WDR41: variants seen among roughly 807,000 people sequenced by gnomAD.
WDR41 encodes the protein WD repeat-containing protein 41.
A neutral mutation model predicts 69.3 loss-of-function variants in WDR41; 63 were observed. The ratio of observed to expected loss-of-function variants is 0.91; its 90% CI spans 0.74 to 1.12. The LOEUF (loss-of-function observed/expected upper bound fraction) is 1.12. WDR41 is among the 50% of genes most tolerant of loss of function. The probability of loss-of-function intolerance (pLI) is 0.00; values close to 1 mark genes in which losing one functional copy is unlikely to be tolerated. For missense variants in WDR41, 543 were observed against 534.5 expected, an observed-to-expected ratio of 1.02 and a Z score of -0.16; for synonymous variants, 185 against 192.1, an observed-to-expected ratio of 0.96 and a Z score of 0.31.
chr5:77,540,117 G>A (rs975597120), intron 1 of WDR41, among the ~76,000 whole-genome samples: 6 of 152,132 alleles, frequency 3.9e-5, no homozygotes, highest in Non-Finnish European at 8.8e-5. Flanking sequence ...GAAATGAAGG[G>A]TTATGGCATC....
intron 1 of WDR41, among the ~76,000 whole-genome samples, chr5:77,614,547 CG>C (rs1383553667): frequency 8.8e-5 from 13 of 147,104 alleles, no homozygotes; most frequent in Non-Finnish European, 1.3e-4. Context: ...ATCGCAAGGA[CG>C]AAAAACCAAA....
At chr5:77,490,650 G>A (rs1347929968) in intron 1 of WDR41, among the ~76,000 whole-genome samples, 2 of 151,650 alleles carry the variant, frequency 1.3e-5, no homozygotes, top group Admixed American at 1.3e-4. Flanking sequence ...CTTCCTTCTA[G>A]AAGAGATTGT....
intron 1 of WDR41, among the ~76,000 whole-genome samples, chr5:77,612,404 G>A (rs1413977558): frequency 2.6e-5 from 4 of 152,126 alleles, no homozygotes; most frequent in African/African-American, 9.7e-5. Flanking sequence ...ATAAAATACT[G>A]GGAAACCAAA....
intron 1 of WDR41, among the ~76,000 whole-genome samples, chr5:77,512,355 A>AGAGAGAGAGAGAGAGAGAGT (rs1335024335): frequency 3.3e-4 from 39 of 119,392 alleles, no homozygotes; most frequent in Non-Finnish European, 4.4e-4. Flanking sequence ...AGAGAGAGTG[A>AGAGAGAGAGAGAGAGAGAGT]GTGTGTGTGT....
Position 77,580,424 on chromosome 5 carries a change from G to A in WDR41, c.42+40055C>T, listed in dbSNP as rs749845455. Among the ~76,000 whole-genome samples, 88 of 152,188 alleles carry A rather than the reference G, an allele frequency of 5.8e-4. 1 individual carries two copies. Among genetic ancestry groups the A allele is most frequent in the Admixed American group, 4.6e-3 (70 of 15,282 alleles). On this transcript the variant is annotated intron_variant, in intron 1 of 5. Coordinates refer to the WDR41 transcript ENST00000509971. ...ACAGCATGGGAGAAACTGCCCCCAT[G>A]ATTCAATTATCTCCACCTGGTCCTG...
At chr5:77,527,774 C>T (rs894887966) in intron 1 of WDR41, among the ~76,000 whole-genome samples, 3 of 151,792 alleles carry the variant, frequency 2.0e-5, no homozygotes, top group Non-Finnish European at 4.4e-5. Context: ...GGCTAAATGT[C>T]AATATTTTTT....
chr5:77,603,949 C>G (rs1744370121), intron 1 of WDR41, among the ~76,000 whole-genome samples: 1 of 152,044 alleles, frequency 6.6e-6, no homozygotes, highest in African/African-American at 2.4e-5. Flanking sequence ...GTTTTTATAC[C>G]AATACCATGC....
At chr5:77,520,441 A>C (rs1172018531) in intron 1 of WDR41, among the ~76,000 whole-genome samples, 1 of 152,198 alleles carries the variant, frequency 6.6e-6, no homozygotes, top group Non-Finnish European at 1.5e-5. Context: ...AAACCAAATC[A>C]TCAAGAAATG....
intron 1 of WDR41, among the ~76,000 whole-genome samples, chr5:77,490,097 G>A (rs1236128287): frequency 8.2e-6 from 1 of 121,808 alleles, no homozygotes; most frequent in East Asian, 2.3e-4. Flanking sequence ...TTGGGCTAGA[G>A]AATTTTTTTT....
intron 2 of WDR41, among the ~76,000 whole-genome samples, chr5:77,486,106 T>A (rs1051039708): frequency 6.6e-6 from 1 of 152,222 alleles, no homozygotes; most frequent in African/African-American, 2.4e-5. Context: ...GTAAAAACAT[T>A]CGGTTAATTC....
At chr5:77,478,408 C>T (rs1204281843) in intron 2 of WDR41, among the ~76,000 whole-genome samples, 2 of 152,118 alleles carry the variant, frequency 1.3e-5, no homozygotes, top group African/African-American at 2.4e-5. Context: ...TTGATGAACA[C>T]TGATGCAAAA....
rs1202974803 is a variant in WDR41 at position 77,489,453 on chromosome 5, T to C, written c.167+4A>G. On this transcript the variant is annotated splice_donor_region_variant and intron_variant, in intron 2 of 12. Transcript: ENST00000296679. ...TAGTCAATTAGACCACTATAGCTTCTTACCTGTAGTCATCTAACTGTACCA... is the reference window on the plus strand; with the variant it reads ...TAGTCAATTAGACCACTATAGCTTCCTACCTGTAGTCATCTAACTGTACCA... The C allele has an allele frequency of 1.3e-6, 2 of 1,560,024 alleles. No homozygotes were observed. Among genetic ancestry groups the C allele is most frequent in the Non-Finnish European group, 1.7e-6 (2 of 1,146,222 alleles).
intron 6 of WDR41, 192 bp from the exon 7 acceptor site, chr5:77,451,545 A>C (rs187186470): frequency 4.3e-5 from 25 of 579,664 alleles, no homozygotes; most frequent in African/African-American, 3.8e-4. Flanking sequence ...AGACTTTTGG[A>C]AGACATTATT....
chr5:77,586,057 G>A (rs1744032275), intron 1 of WDR41, among the ~76,000 whole-genome samples: 1 of 151,962 alleles, frequency 6.6e-6, no homozygotes, highest in Admixed American at 6.5e-5. Context: ...AACTTCATAA[G>A]CCATGCAAGT....
At chr5:77,434,413 G>A (rs138720558) in intron 12 of WDR41, among the ~76,000 whole-genome samples, 2 of 152,200 alleles carry the variant, frequency 1.3e-5, no homozygotes, top group Non-Finnish European at 2.9e-5. Flanking sequence ...GGAAACATGG[G>A]AGCAGAATTC....
intron 1 of WDR41, among the ~76,000 whole-genome samples, chr5:77,589,574 A>G (rs1361043785): frequency 6.6e-6 from 1 of 152,152 alleles, no homozygotes; most frequent in Non-Finnish European, 1.5e-5. Context: ...TTTTCTCTGT[A>G]GATATCTCTT....
chr5:77,550,056 A>T (rs1743268732), intron 1 of WDR41, among the ~76,000 whole-genome samples: 1 of 152,094 alleles, frequency 6.6e-6, no homozygotes, highest in Non-Finnish European at 1.5e-5. Flanking sequence ...AAGAAAAAAA[A>T]AGGACCTCGA....
At chr5:77,618,449 T>G (rs1203263083) in intron 1 of WDR41, among the ~76,000 whole-genome samples, 1 of 152,108 alleles carries the variant, frequency 6.6e-6, no homozygotes. Context: ...CTCAGCTCAC[T>G]GCAACCTACG....
At chr5:77,531,455 CT>C (rs1221948896) in intron 1 of WDR41, among the ~76,000 whole-genome samples, 1 of 151,806 alleles carries the variant, frequency 6.6e-6, no homozygotes, top group Non-Finnish European at 1.5e-5. Context: ...TAAGATATCA[CT>C]TTGCGCCCAC....
Sources: allele counts gnomAD v4.1 joint callset (sites outside exome capture counted in the v4.1 genomes callset), GRCh38; gene constraint gnomAD v4.1.1; transcripts MANE v1.5; gene names NCBI Gene and HGNC (gene_info 2026-07-23, HGNC 2026-07-21).